The following LRMDA variants were observed in gnomAD, a reference collection of about 807,000 sequenced individuals.
LRMDA encodes leucine-rich melanocyte differentiation-associated protein.
LRMDA carries 18 observed loss-of-function variants against 29.8 expected under a neutral mutation model. The ratio of observed to expected loss-of-function variants is 0.60; its 90% CI spans 0.42 to 0.90. The LOEUF is 0.90. LRMDA is among the 40% of genes least tolerant of loss of function. LRMDA has a pLI of 0.00. For synonymous variants in LRMDA, 125 were observed against 109.4 expected (o/e 1.14, Z -0.89); for missense variants, 273 against 273.9 (o/e 1.00, Z 0.02).
chr10:75,862,178 TCACACA>T (rs3042514), intron 2 of LRMDA, among the ~76,000 whole-genome samples: 75 of 147,668 alleles, frequency 5.1e-4, no homozygotes, highest in Admixed American at 2.2e-3. Context: ...AACCTTGGGT[TCACACA>T]CACACACACA....
intron 4 of LRMDA, among the ~76,000 whole-genome samples, chr10:76,055,944 T>TG (rs1340116294): frequency 6.6e-6 from 1 of 152,026 alleles, no homozygotes; most frequent in African/African-American, 2.4e-5. Flanking sequence ...ATGTGGCGAG[T>TG]GGGGGGACAT....
At chr10:75,888,542 G>A (rs567525845) in intron 2 of LRMDA, among the ~76,000 whole-genome samples, 1 of 152,184 alleles carries the variant, frequency 6.6e-6, no homozygotes, top group Non-Finnish European at 1.5e-5. Context: ...CATCAGCTGA[G>A]TAAATACTGT....
chr10:75,893,815 T>G (rs940277517), intron 2 of LRMDA, among the ~76,000 whole-genome samples: 4 of 151,770 alleles, frequency 2.6e-5, no homozygotes, highest in African/African-American at 9.7e-5. Flanking sequence ...GTGCCTGTAA[T>G]CCCAGCTACT....
At chr10:76,221,522 T>C (rs1211466385) in intron 5 of LRMDA, among the ~76,000 whole-genome samples, 5 of 152,146 alleles carry the variant, frequency 3.3e-5, no homozygotes, top group Admixed American at 1.3e-4. Flanking sequence ...TTCACAATTG[T>C]TTCAAAGAGA....
chr10:76,376,770 T>C (rs969434217), intron 6 of LRMDA, among the ~76,000 whole-genome samples: 3 of 151,776 alleles, frequency 2.0e-5, no homozygotes, highest in East Asian at 3.9e-4. Flanking sequence ...TTCTGACTGG[T>C]ATATGATGGC....
chr10:76,446,837 A>G (rs1842358661), intron 6 of LRMDA, among the ~76,000 whole-genome samples: 1 of 152,232 alleles, frequency 6.6e-6, no homozygotes, highest in Non-Finnish European at 1.5e-5. Context: ...CTTTGGGCAG[A>G]CCTGCCTTGT....
chr10:76,280,691 G>A lies in LRMDA; in HGVS notation c.517-43710G>A, dbSNP rs571460217. Among the ~76,000 whole-genome samples, 3 of 152,110 alleles carry A rather than the reference G, an allele frequency of 2.0e-5. No individual in the cohort carries two copies. The East Asian group carries it at 5.8e-4, about 29-fold the overall frequency. ...CCCTAAACATCATAAGCACACATCA[G>A]CACTGTTCATATTGATTATCATGGT... is the stretch of plus-strand genomic sequence containing the variant. On this transcript the variant is annotated intron_variant, in intron 5 of 6. Transcript: ENST00000611255.
At chr10:76,042,184 GT>G (rs1589300140) in intron 3 of LRMDA, among the ~76,000 whole-genome samples, 2 of 152,306 alleles carry the variant, frequency 1.3e-5, no homozygotes, top group East Asian at 3.9e-4. Flanking sequence ...CGAAGGACTG[GT>G]CTAGAGCATG....
chr10:75,653,563 G>A (rs763884641), intron 2 of LRMDA, among the ~76,000 whole-genome samples: 2 of 152,194 alleles, frequency 1.3e-5, no homozygotes, highest in African/African-American at 2.4e-5. Context: ...ACAATATACT[G>A]TAATAATGAA....
At chr10:75,858,186 G>C (rs1049830706) in intron 2 of LRMDA, among the ~76,000 whole-genome samples, 1 of 152,262 alleles carries the variant, frequency 6.6e-6, no homozygotes, top group African/African-American at 2.4e-5. Flanking sequence ...TGGCCCCTCT[G>C]TCTACTCAGT....
At chr10:76,394,313 A>C (rs1195284693) in intron 6 of LRMDA, among the ~76,000 whole-genome samples, 1 of 152,198 alleles carries the variant, frequency 6.6e-6, no homozygotes, top group African/African-American at 2.4e-5. Flanking sequence ...TAAGGTAATC[A>C]AGTACGTGGG....
intron 2 of LRMDA, among the ~76,000 whole-genome samples, chr10:75,565,967 TG>T (rs1274987426): frequency 1.3e-5 from 2 of 152,170 alleles, no homozygotes; most frequent in African/African-American, 4.8e-5. Context: ...CCCGGCTTCT[TG>T]GGAGGCTGAG....
rs75570430 is a variant in LRMDA, at chr10:75,864,760, A to G, written c.132-171248A>G. Among the ~76,000 whole-genome samples the G allele has an allele frequency of 3.9e-5, 6 of 152,266 alleles. No individual in the cohort carries two copies. In the East Asian group the frequency reaches 1.2e-3, roughly 29 times the overall value. On this transcript the variant is annotated intron_variant, in intron 2 of 6. Transcript: ENST00000611255. Reference sequence around the variant, plus strand: ...ATAATCCATCTAGCAAAACAGTTTTATCCTTTCTATATATTCATTTTTGTT... The same window carrying G: ...ATAATCCATCTAGCAAAACAGTTTTGTCCTTTCTATATATTCATTTTTGTT...
chr10:75,824,362 A>G (rs912048392), intron 2 of LRMDA, among the ~76,000 whole-genome samples: 4 of 152,226 alleles, frequency 2.6e-5, no homozygotes, highest in Admixed American at 6.5e-5. Context: ...TTTTGTAATT[A>G]AAGTTGCCCA....
intron 2 of LRMDA, among the ~76,000 whole-genome samples, chr10:75,998,042 G>A (rs1300829910): frequency 6.6e-6 from 1 of 152,092 alleles, no homozygotes; most frequent in Admixed American, 6.5e-5. Flanking sequence ...ACAAAGATGC[G>A]TTAATTCAGT....
chr10:75,757,829 G>A (rs1455292108), intron 2 of LRMDA, among the ~76,000 whole-genome samples: 4 of 145,078 alleles, frequency 2.8e-5, no homozygotes, highest in South Asian at 2.2e-4. Flanking sequence ...AGATGGAGTC[G>A]CACTCTGTCA....
At chr10:75,963,555 A>C (rs915178460) in intron 2 of LRMDA, among the ~76,000 whole-genome samples, 38 of 152,208 alleles carry the variant, frequency 2.5e-4, no homozygotes, top group African/African-American at 8.9e-4. Context: ...ATGCAAAAGA[A>C]AGATTATTTT....
intron 5 of LRMDA, among the ~76,000 whole-genome samples, chr10:76,150,262 G>A (rs1850413308): frequency 6.6e-6 from 1 of 152,228 alleles, no homozygotes; most frequent in South Asian, 2.1e-4. Context: ...CCACTCTGAG[G>A]CGTGGACAGG....
chr10:76,531,242 C>T (rs1000829631), intron 6 of LRMDA, among the ~76,000 whole-genome samples: 2 of 152,042 alleles, frequency 1.3e-5, no homozygotes, highest in South Asian at 2.1e-4. Flanking sequence ...ACCTTAATAC[C>T]CAGTAATGGA....
Sources: gnomAD v4.1 joint callset for allele counts (sites outside exome capture counted in the v4.1 genomes callset) on GRCh38, gnomAD v4.1.1 for gene constraint, MANE v1.5 for transcripts, NCBI Gene and HGNC (gene_info 2026-07-23, HGNC 2026-07-21) for gene names.